The following PID1 variants were observed in gnomAD, a reference collection of about 807,000 sequenced individuals.
PID1 encodes phosphotyrosine interaction domain containing 1.
Under a neutral mutation model 19.1 loss-of-function variants are expected in PID1, and 10 were observed. The observed-to-expected ratio is 0.52, with a 90% confidence interval of 0.32 to 0.89. The LOEUF (loss-of-function observed/expected upper bound fraction) is 0.89, where lower values mean the gene tolerates loss of function less well. Among genes scored for constraint, PID1 ranks in the 40% least tolerant of loss-of-function variants. The pLI is 0.03. For missense variants in PID1, 248 were observed against 285.3 expected (o/e 0.87, Z 0.94); for synonymous variants, 130 against 116.0 (o/e 1.12, Z -0.78).
intron 2 of PID1, among the ~76,000 whole-genome samples, chr2:229,089,532 T>C (rs1446501938): frequency 2.6e-5 from 4 of 152,324 alleles, no homozygotes; most frequent in Middle Eastern, 3.4e-3. Flanking sequence ...ACTAATTAAG[T>C]AAAGACATAA....
intron 2 of PID1, among the ~76,000 whole-genome samples, chr2:229,093,126 CTTTT>C (rs1261284489): frequency 1.3e-3 from 106 of 82,464 alleles, no homozygotes; most frequent in African/African-American, 3.7e-3. Context: ...GTCTTTCTTT[CTTTT>C]TCTTTTTCTT....
intron 1 of PID1, among the ~76,000 whole-genome samples, chr2:229,225,785 G>A (rs904897703): frequency 1.3e-5 from 2 of 152,188 alleles, no homozygotes; most frequent in African/African-American, 2.4e-5. Context: ...AGCAAGGACA[G>A]GAATAAGAGC....
chr2:229,260,670 T>C (rs2106291331), intron 1 of PID1, among the ~76,000 whole-genome samples: 1 of 151,978 alleles, frequency 6.6e-6, no homozygotes, highest in South Asian at 2.1e-4. Flanking sequence ...GAATTGGGAA[T>C]TGGAAAAGGC....
intron 2 of PID1, among the ~76,000 whole-genome samples, chr2:229,048,059 G>A (rs571293023): frequency 6.6e-6 from 1 of 152,286 alleles, no homozygotes; most frequent in East Asian, 1.9e-4. Flanking sequence ...CCTCAGAGTG[G>A]CAGATGATTT....
At chr2:229,255,963 G>A (rs1690283716) in intron 1 of PID1, among the ~76,000 whole-genome samples, 1 of 152,238 alleles carries the variant, frequency 6.6e-6, no homozygotes, top group African/African-American at 2.4e-5. Context: ...TGTACTTGGA[G>A]AGCAATGAAT....
At chr2:229,270,770 C>T (rs1281997668) in intron 1 of PID1, among the ~76,000 whole-genome samples, 1 of 152,088 alleles carries the variant, frequency 6.6e-6, no homozygotes, top group African/African-American at 2.4e-5. Context: ...CCAACCAACA[C>T]GCACACAAGC....
intron 1 of PID1, among the ~76,000 whole-genome samples, chr2:229,257,175 C>A (rs1690323246): frequency 6.6e-6 from 1 of 152,174 alleles, no homozygotes; most frequent in South Asian, 2.1e-4. Flanking sequence ...GTCAGATAAT[C>A]CACCAAAGCA....
At chr2:229,243,933 A>T (rs1481068535) in intron 1 of PID1, among the ~76,000 whole-genome samples, 1 of 152,026 alleles carries the variant, frequency 6.6e-6, no homozygotes, top group East Asian at 1.9e-4. Flanking sequence ...AAGTTTTTTT[A>T]AAAAATCATC....
intron 1 of PID1, among the ~76,000 whole-genome samples, chr2:229,254,245 T>C (rs1159574878): frequency 6.6e-6 from 1 of 152,132 alleles, no homozygotes; most frequent in Non-Finnish European, 1.5e-5. Flanking sequence ...CAGGGTATTG[T>C]TACCAGAAGA....
At chr2:229,183,835 T>C in intron 1 of PID1, among the ~76,000 whole-genome samples, 1 of 150,882 alleles carries the variant, frequency 6.6e-6, no homozygotes, top group Non-Finnish European at 1.5e-5. Context: ...CAATTCCTTA[T>C]AATAAATCTC....
At chr2:229,107,971 TA>T (rs1473971383) in intron 2 of PID1, among the ~76,000 whole-genome samples, 1 of 152,178 alleles carries the variant, frequency 6.6e-6, no homozygotes, top group Non-Finnish European at 1.5e-5. Flanking sequence ...TTTGCCATCT[TA>T]AAACAAGAAT....
At chr2:229,096,404 T>C (rs545764495) in intron 2 of PID1, among the ~76,000 whole-genome samples, 10 of 152,322 alleles carry the variant, frequency 6.6e-5, no homozygotes, top group South Asian at 2.1e-4. Context: ...AGAGTGAAGA[T>C]AATTTGTAGT....
intron 2 of PID1, among the ~76,000 whole-genome samples, chr2:229,136,955 A>G (rs1251774681): frequency 6.6e-6 from 1 of 152,128 alleles, no homozygotes; most frequent in East Asian, 2.0e-4. Context: ...AAGTCTATGC[A>G]GCAGAAAAAT....
chr2:229,145,739 T>C lies in PID1; in HGVS notation c.177+10079A>G, dbSNP rs144626849. On this transcript the variant is annotated intron_variant, in intron 2 of 2. Coordinates refer to ENST00000392055, the MANE Select transcript of PID1 (RefSeq NM_001100818.2). ...TACCGTGAATCTTTTACAAACACTG[T>C]TTCATGTGCCCACTATATTAGAAGA... 9.2e-5 allele frequency among the ~76,000 whole-genome samples: 14 copies of C among 152,292 alleles called. No homozygotes were observed. The East Asian group carries it at 2.7e-3, about 29-fold the overall frequency.
chr2:229,024,342 T>G lies in PID1; in HGVS notation c.*1290A>C, dbSNP rs1157010910. 6.6e-6 allele frequency: 1 copy of G among 152,442 alleles called. No homozygotes were observed. Among genetic ancestry groups the G allele is most frequent in the Non-Finnish European group, 1.5e-5 (1 of 68,046 alleles). The allele number at this position is 152,442 out of a possible 1,614,324, so 9.4% of individuals were successfully genotyped here. On this transcript the variant is annotated 3_prime_UTR_variant, in exon 3 of 3. Coordinates refer to ENST00000392055, the MANE Select transcript of PID1 (RefSeq NM_001100818.2). ...ATTACTTCGAAAAGTAGTCATCTGC[T>G]CTTGTCCTCCAATGTGTGTATTTTA...
chr2:229,049,807 C>T (rs2106182732), intron 2 of PID1, among the ~76,000 whole-genome samples: 2 of 152,244 alleles, frequency 1.3e-5, no homozygotes, highest in South Asian at 4.1e-4. Context: ...ACAGAACACA[C>T]ATAACTCTGG....
At chr2:229,151,573 T>C (rs897810163) in intron 2 of PID1, among the ~76,000 whole-genome samples, 20 of 148,436 alleles carry the variant, frequency 1.3e-4, no homozygotes, top group African/African-American at 4.9e-4. Flanking sequence ...TTCTATTTCT[T>C]TTTTTTTTTT....
chr2:229,211,815 C>T (rs1691744150), intron 1 of PID1, among the ~76,000 whole-genome samples: 1 of 152,226 alleles, frequency 6.6e-6, no homozygotes, highest in Non-Finnish European at 1.5e-5. Context: ...CACATCCCTT[C>T]CAACAGTAGC....
intron 1 of PID1, among the ~76,000 whole-genome samples, chr2:229,223,620 T>C (rs1162937308): frequency 6.6e-6 from 1 of 152,232 alleles, no homozygotes; most frequent in Non-Finnish European, 1.5e-5. Context: ...TGGTTAGCGA[T>C]GTGGAGTCTG....
Sources: allele counts gnomAD v4.1 joint callset (sites outside exome capture counted in the v4.1 genomes callset), GRCh38; gene constraint gnomAD v4.1.1; transcripts MANE v1.5; gene names NCBI Gene and HGNC (gene_info 2026-07-23, HGNC 2026-07-21).